Variants in LARP4B observed in about 807,000 individuals in gnomAD.
The protein encoded by LARP4B is La ribonucleoprotein 4B.
LARP4B carries 12 observed loss-of-function variants against 89.8 expected under a neutral mutation model. That is an observed-to-expected ratio of 0.13 (90% CI 0.09 to 0.22). The LOEUF is 0.22. Ranked by LOEUF, LARP4B falls within the 10% of genes least tolerant of loss-of-function variation. The pLI is 1.00. For synonymous variants in LARP4B, 367 were observed against 363.3 expected (o/e 1.01, Z -0.12); for missense variants, 757 against 947.7 (o/e 0.80, Z 2.64).
At chr10:950,062 C>T in the LARP4B span, among the ~76,000 whole-genome samples, 1 of 152,158 alleles carries the variant, frequency 6.6e-6, no homozygotes, top group African/African-American at 2.4e-5. Flanking sequence ...AGGCGTGAGC[C>T]ACTGTGCCTG....
At position 825,300 on chromosome 10, in the gene LARP4B, G is replaced by A. The variant is rs1832563037; in HGVS notation, c.1249C>T (p.His417Tyr). 6.2e-7 allele frequency: 1 copy of A among 1,613,932 alleles called. No individual in the cohort carries two copies. Among genetic ancestry groups the A allele is most frequent in the East Asian group, 2.2e-5 (1 of 44,882 alleles). ...GCACTAGGAATCGCATGCCGCAGAT[G>A]AGATTTACTAGGATTCCTGTAAATA... ...PPRSRNPSKS[H>Y]LRHAIPSAER... The change falls in exon 13 of 18, where the codon CAT becomes TAT. Residue 417 changes from histidine (H) to tyrosine (Y), a missense_variant. By Grantham distance (83) the His-to-Tyr change is moderately conservative. Around this residue, in one of 5 missense-constraint regions of LARP4B, gnomAD observed 387 missense variants for 423.6 expected, o/e 0.91. Coordinates refer to ENST00000316157, the MANE Select transcript of LARP4B (RefSeq NM_015155.3).
At chr10:922,788 G>A (rs998370623) in intron 1 of LARP4B, among the ~76,000 whole-genome samples, 1 of 152,072 alleles carries the variant, frequency 6.6e-6, no homozygotes, top group Non-Finnish European at 1.5e-5. Context: ...ATCATGCTAC[G>A]CAGGCCGGGC....
chr10:883,012 A>G (rs566199730), intron 3 of LARP4B, among the ~76,000 whole-genome samples: 1 of 152,370 alleles, frequency 6.6e-6, no homozygotes, highest in Admixed American at 6.5e-5. Context: ...AACAATGCTA[A>G]TTAGAAAACA....
the LARP4B span, among the ~76,000 whole-genome samples, chr10:952,107 A>T: frequency 6.6e-6 from 1 of 151,768 alleles, no homozygotes; most frequent in African/African-American, 2.4e-5. Context: ...GGGAGGCCAA[A>T]GTGGGTGGAT....
At chr10:954,771 G>A in the LARP4B span, among the ~76,000 whole-genome samples, 1 of 138,736 alleles carries the variant, frequency 7.2e-6, no homozygotes, top group South Asian at 2.4e-4. This position sits in a 1 kb window ranked among gnomAD's most constrained non-coding sequence, Gnocchi z 5.0. Flanking sequence ...TCCCATCCAC[G>A]CTTCCCCAGG....
At chr10:976,022 G>A in the LARP4B span, among the ~76,000 whole-genome samples, 7 of 97,564 alleles carry the variant, frequency 7.2e-5, no homozygotes, top group African/African-American at 1.5e-4. Flanking sequence ...GTAGAATGTA[G>A]GCCTGTCGTG....
the LARP4B span, among the ~76,000 whole-genome samples, chr10:983,783 G>A: frequency 1.4e-4 from 21 of 152,170 alleles, no homozygotes; most frequent in African/African-American, 3.4e-4. Flanking sequence ...AGCAGTGGGC[G>A]TGGAGCATCA....
At chr10:865,862 T>C (rs1401046583) in intron 3 of LARP4B, among the ~76,000 whole-genome samples, 1 of 152,122 alleles carries the variant, frequency 6.6e-6, no homozygotes, top group Non-Finnish European at 1.5e-5. Flanking sequence ...CGGTGCCCCT[T>C]GGAATCAGGC....
chr10:960,664 T>C, the LARP4B span, among the ~76,000 whole-genome samples: 11 of 117,710 alleles, frequency 9.3e-5, no homozygotes, highest in East Asian at 2.5e-3. Flanking sequence ...GCCAAGATCA[T>C]GCCACTGCAC....
chr10:863,580 G>T (rs773223026), intron 5 of LARP4B, among the ~76,000 whole-genome samples, 163 bp downstream of exon 5: 5 of 151,990 alleles, frequency 3.3e-5, no homozygotes, highest in Non-Finnish European at 5.9e-5. Context: ...TCCCTAACCA[G>T]GGCCTCTCAT....
At chr10:907,418 T>G (rs985550170) in intron 1 of LARP4B, among the ~76,000 whole-genome samples, 79 of 152,302 alleles carry the variant, frequency 5.2e-4, no homozygotes, top group African/African-American at 1.9e-3. Flanking sequence ...TTGAGTTAAT[T>G]TTCATTTTCA....
chr10:944,846 C>T, the LARP4B span, among the ~76,000 whole-genome samples: 7 of 152,122 alleles, frequency 4.6e-5, no homozygotes, highest in South Asian at 2.1e-4. Flanking sequence ...CGTCTAAAGG[C>T]GATTCTCTGA....
chr10:925,069 A>G (rs1031881562), intron 1 of LARP4B, among the ~76,000 whole-genome samples: 1 of 152,236 alleles, frequency 6.6e-6, no homozygotes, highest in African/African-American at 2.4e-5. Flanking sequence ...AAGTACAGCA[A>G]GAAGGGGAGA....
At position 923,260 on chromosome 10, in the gene LARP4B, T is replaced by C. The variant is rs185982963; in HGVS notation, c.-40+8168A>G. Reference sequence around the variant, plus strand: ...TTCAAATGTCTAGATTTTTAGAAGGTAGCTTCCCATAGGGACTTCAAGTCT... The same window carrying C: ...TTCAAATGTCTAGATTTTTAGAAGGCAGCTTCCCATAGGGACTTCAAGTCT... On this transcript the variant is annotated intron_variant, in intron 1 of 17. Coordinates refer to ENST00000316157, the MANE Select transcript of LARP4B (RefSeq NM_015155.3). Among the ~76,000 whole-genome samples, 17 of 152,296 alleles carry C rather than the reference T, an allele frequency of 1.1e-4. No homozygotes were observed. The South Asian group carries it at 2.1e-3, about 19-fold the overall frequency.
chr10:920,161 C>A (rs1836941136), intron 1 of LARP4B, among the ~76,000 whole-genome samples: 1 of 152,200 alleles, frequency 6.6e-6, no homozygotes, highest in African/African-American at 2.4e-5. Context: ...TTAACAGCGA[C>A]CACAGTAAAC....
intron 1 of LARP4B, among the ~76,000 whole-genome samples, chr10:896,760 C>T (rs1175369966): frequency 1.3e-5 from 2 of 152,106 alleles, no homozygotes; most frequent in African/African-American, 2.4e-5. Context: ...AGCATAAAGA[C>T]GTCCTTAGAC....
At chr10:854,421 A>G (rs1455142979) in intron 5 of LARP4B, among the ~76,000 whole-genome samples, 3 of 152,172 alleles carry the variant, frequency 2.0e-5, no homozygotes, top group African/African-American at 7.2e-5. Flanking sequence ...AAATAAGAAA[A>G]TTTGAAAACA....
intron 1 of LARP4B, among the ~76,000 whole-genome samples, chr10:907,450 T>C (rs909452898): frequency 2.6e-5 from 4 of 152,234 alleles, no homozygotes; most frequent in Non-Finnish European, 4.4e-5. Flanking sequence ...TCTCTAGACT[T>C]TGTATATGCA....
intron 1 of LARP4B, among the ~76,000 whole-genome samples, chr10:895,141 G>A (rs889295049): frequency 6.6e-6 from 1 of 152,080 alleles, no homozygotes; most frequent in East Asian, 1.9e-4. Flanking sequence ...AGCCAAGATC[G>A]CGCCACTCCA....
Sources: gnomAD v4.1 joint callset for allele counts (sites outside exome capture counted in the v4.1 genomes callset) on GRCh38, gnomAD v4.1.1 for gene constraint, gnomAD v4.1.1 regional missense constraint, Gnocchi (gnomAD v3.1) non-coding constraint, MANE v1.5 for transcripts, NCBI Gene and HGNC (gene_info 2026-07-23, HGNC 2026-07-21) for gene names.